Variants in CADM1 observed in about 807,000 individuals in gnomAD.
CADM1 encodes TSLC-1.
CADM1 carries 15 observed loss-of-function variants against 53.1 expected under a neutral mutation model. The ratio of observed to expected loss-of-function variants is 0.28; its 90% confidence interval spans 0.19 to 0.44. CADM1 has a LOEUF of 0.44. Among genes scored for constraint, CADM1 ranks in the 20% least tolerant of loss-of-function variants. The probability of loss-of-function intolerance (pLI) is 1.00; values close to 1 mark genes in which losing one functional copy is unlikely to be tolerated. For synonymous variants in CADM1, 281 were observed against 243.0 expected (o/e 1.16, Z -1.45); for missense variants, 434 against 611.3 (o/e 0.71, Z 3.06).
At chr11:115,224,789 G>A (rs1446064833) in intron 5 of CADM1, among the ~76,000 whole-genome samples, 1 of 152,154 alleles carries the variant, frequency 6.6e-6, no homozygotes, top group African/African-American at 2.4e-5. Context: ...CTCAGACAGT[G>A]AACTGTTCCC....
intron 7 of CADM1, among the ~76,000 whole-genome samples, chr11:115,213,801 T>C (rs1027820463): frequency 6.6e-6 from 1 of 152,226 alleles, no homozygotes; most frequent in Non-Finnish European, 1.5e-5. Context: ...TCATTCTTTG[T>C]CATGTCAGTT....
rs140480084 is a variant in CADM1 at position 115,176,273 on chromosome 11, A to G, written c.*201T>C. ...AAATTAAACAAACAAACAAACGAAA[A>G]AAGAGGTGTCAAACAGCAGAGTGTA... On this transcript the variant is annotated 3_prime_UTR_variant, in exon 12 of 12. Coordinates refer to ENST00000331581, the MANE Select transcript of CADM1 (RefSeq NM_001301043.2). 1,372 of 1,373,096 alleles carry G rather than the reference A, an allele frequency of 1.0e-3. 13 individuals are homozygous for G. The African/African-American group carries it at 0.017, about 17-fold the overall frequency. 85.1% of individuals were successfully genotyped at this position (1,373,096 alleles called of 1,614,324 possible).
intron 1 of CADM1, among the ~76,000 whole-genome samples, chr11:115,348,631 C>A (rs1945645631): frequency 6.6e-6 from 1 of 152,034 alleles, no homozygotes; most frequent in Admixed American, 6.6e-5. Flanking sequence ...AGAGGAGTAT[C>A]AAACGCAGCT....
In CADM1 at chr11:115,173,766, C is replaced by T. The variant is rs1229427691; in HGVS notation, c.*2708G>A. ...GAACATATGGATATGGAGTTTCTTA[C>T]ACTGTAACATTGTCCATGTACACCT... is the stretch of plus-strand genomic sequence containing the variant. On this transcript the variant is annotated 3_prime_UTR_variant, in exon 12 of 12. Coordinates refer to ENST00000331581, the MANE Select transcript of CADM1 (RefSeq NM_001301043.2). 4 of 980,488 alleles carry T rather than the reference C, an allele frequency of 4.1e-6. No individual in the cohort carries two copies. Among genetic ancestry groups the T allele is most frequent in the Non-Finnish European group, 3.6e-6 (3 of 827,110 alleles). The allele number at this position is 980,488 out of a possible 1,614,324, so 60.7% of individuals were successfully genotyped here.
chr11:115,179,001 G>T (rs776395323), intron 10 of CADM1: 3 of 561,642 alleles, frequency 5.3e-6, no homozygotes, highest in Admixed American at 2.5e-5. Context: ...GCATAGGAGG[G>T]TTAATGCATG....
Position 115,171,081 on chromosome 11 carries a change from G to A in CADM1, c.*5393C>T, listed in dbSNP as rs1938775441. ...GGTATTGACCTACAAGGTCATGGAT[G>A]AGCCAAGAGTCCCTTCTTTCTTCTC... On this transcript the variant is annotated 3_prime_UTR_variant, in exon 12 of 12. Transcript: ENST00000331581. The A allele has an allele frequency of 6.6e-6, 1 of 152,160 alleles. No homozygotes were observed. The highest frequency in any genetic ancestry group is 1.9e-4 in the East Asian group (1 of 5,198). The allele number at this position is 152,160 out of a possible 1,614,324, so 9.4% of individuals were successfully genotyped here.
intron 1 of CADM1, among the ~76,000 whole-genome samples, chr11:115,405,223 G>A (rs1947284003): frequency 6.6e-6 from 1 of 152,168 alleles, no homozygotes; most frequent in Non-Finnish European, 1.5e-5. Flanking sequence ...AAGTAGCTGG[G>A]ATTACAGGTG....
chr11:115,384,819 C>A (rs980597960), intron 1 of CADM1, among the ~76,000 whole-genome samples: 24 of 152,142 alleles, frequency 1.6e-4, no homozygotes, highest in African/African-American at 4.6e-4. Context: ...TCATTTTAAA[C>A]AATATAAATC....
At chr11:115,433,157 G>A (rs1186791567) in intron 1 of CADM1, among the ~76,000 whole-genome samples, 8 of 152,150 alleles carry the variant, frequency 5.3e-5, no homozygotes, top group African/African-American at 7.2e-5. Flanking sequence ...CACACACTAT[G>A]AGACTTCCTC....
chr11:115,370,425 G>A (rs1366985283), intron 1 of CADM1, among the ~76,000 whole-genome samples: 1 of 152,092 alleles, frequency 6.6e-6, no homozygotes, highest in Non-Finnish European at 1.5e-5. Flanking sequence ...GCAGGAAATT[G>A]GGGTTAGACA....
chr11:115,185,958 A>C (rs1488726869), intron 10 of CADM1, among the ~76,000 whole-genome samples: 1 of 152,184 alleles, frequency 6.6e-6, no homozygotes, highest in East Asian at 1.9e-4. Flanking sequence ...GTAGAACTAG[A>C]ATTCACACTC....
intron 1 of CADM1, among the ~76,000 whole-genome samples, chr11:115,401,115 C>T (rs1947141302): frequency 6.6e-6 from 1 of 152,030 alleles, no homozygotes; most frequent in Non-Finnish European, 1.5e-5. Flanking sequence ...CTAGGTGAAT[C>T]AATAAACAAA....
At chr11:115,461,418 A>T (rs931087381) in intron 1 of CADM1, among the ~76,000 whole-genome samples, 3 of 152,200 alleles carry the variant, frequency 2.0e-5, no homozygotes, top group African/African-American at 7.2e-5. Flanking sequence ...GCAAGTTAGG[A>T]AAACAGGTGA....
At chr11:115,194,380 A>G (rs1221545256) in intron 9 of CADM1, among the ~76,000 whole-genome samples, 1 of 152,248 alleles carries the variant, frequency 6.6e-6, no homozygotes, top group Non-Finnish European at 1.5e-5. Context: ...CGAGTCAGGA[A>G]AAGGAAGAGC....
chr11:115,330,603 T>A (rs1945105955), intron 1 of CADM1, among the ~76,000 whole-genome samples: 1 of 152,186 alleles, frequency 6.6e-6, no homozygotes, highest in African/African-American at 2.4e-5. Flanking sequence ...AGTACTATTC[T>A]GAGTGTTGGG....
At chr11:115,484,235 C>T (rs528754181) in intron 1 of CADM1, among the ~76,000 whole-genome samples, 6 of 152,328 alleles carry the variant, frequency 3.9e-5, no homozygotes, top group African/African-American at 1.4e-4. Context: ...CATGCACAGT[C>T]TTTCTGGATG....
At chr11:115,398,973 T>A (rs1290481492) in intron 1 of CADM1, 2 of 152,178 alleles carry the variant, frequency 1.3e-5, no homozygotes, top group Non-Finnish European at 2.9e-5. Flanking sequence ...TTCTGAGCCA[T>A]GGGATAGAGC....
intron 1 of CADM1, among the ~76,000 whole-genome samples, chr11:115,293,171 G>A (rs1943953440): frequency 6.6e-6 from 1 of 152,190 alleles, no homozygotes. Flanking sequence ...GGTGACTCAC[G>A]CCTGTAATCC....
At position 115,221,510 on chromosome 11, in the gene CADM1, T is replaced by C. The variant is rs1941404266; in HGVS notation, c.722-3519A>G. On this transcript the variant is annotated intron_variant, in intron 5 of 11. Coordinates refer to ENST00000331581, the MANE Select transcript of CADM1 (RefSeq NM_001301043.2). ...CTTTCTTTAAATGTACTTTGCTCTC[T>C]CTATAAAGGGAAAAAATATATAAAA... 4.6e-5 allele frequency among the ~76,000 whole-genome samples: 7 copies of C among 152,168 alleles called. No individual in the cohort carries two copies. In the South Asian group the frequency reaches 1.4e-3, roughly 32 times the overall value.
Sources: gnomAD v4.1 joint callset for allele counts (sites outside exome capture counted in the v4.1 genomes callset) on GRCh38, gnomAD v4.1.1 for gene constraint, MANE v1.5 for transcripts, NCBI Gene and HGNC (gene_info 2026-07-23, HGNC 2026-07-21) for gene names.